Variants in ERG observed in about 807,000 individuals in gnomAD.
The protein encoded by ERG is transcriptional regulator ERG.
Under a neutral mutation model 55.3 loss-of-function variants are expected in ERG, and 9 were observed. The observed-to-expected ratio is 0.16, with a 90% CI of 0.10 to 0.28. ERG has a LOEUF of 0.28. ERG is among the 10% of genes least tolerant of loss of function. The probability of loss-of-function intolerance (pLI) is 1.00; values close to 1 mark genes in which losing one functional copy is unlikely to be tolerated. For synonymous variants in ERG, 223 were observed against 237.3 expected, an observed-to-expected ratio of 0.94 and a Z score of 0.55; for missense variants, 434 against 631.6, an observed-to-expected ratio of 0.69 and a Z score of 3.35.
chr21:38,444,751 G>A (rs968768105), intron 2 of ERG, among the ~76,000 whole-genome samples: 1 of 151,384 alleles, frequency 6.6e-6, no homozygotes, highest in Admixed American at 6.6e-5. Flanking sequence ...CAAACAGCAG[G>A]CATTAAGAGA....
At chr21:38,454,367 ACCCTTTCCTG>A (rs1401007270) in intron 1 of ERG, among the ~76,000 whole-genome samples, 2 of 151,992 alleles carry the variant, frequency 1.3e-5, no homozygotes, top group Admixed American at 1.3e-4. Flanking sequence ...AAATCCTTTA[ACCCTTTCCTG>A]CCCCAAGTGT....
chr21:38,502,566 C>T (rs530058022), upstream of ERG: 28 of 153,330 alleles, frequency 1.8e-4, no homozygotes, highest in South Asian at 5.8e-4. Context: ...AGTATTGGAA[C>T]GGTGGTAATA....
chr21:38,656,546 G>T (rs796409703), intron 1 of ERG, among the ~76,000 whole-genome samples: 3 of 152,128 alleles, frequency 2.0e-5, no homozygotes, highest in Admixed American at 1.3e-4. Context: ...AAATGTGCAC[G>T]CTCCAATTTA....
intron 1 of ERG, among the ~76,000 whole-genome samples, chr21:38,576,895 C>T (rs1048540906): frequency 3.9e-4 from 59 of 152,310 alleles, no homozygotes; most frequent in Non-Finnish European, 7.9e-4. Flanking sequence ...GCCCCTCCTT[C>T]CAGGCTCCAG....
chr21:38,619,200 C>A (rs1414428415), intron 1 of ERG, among the ~76,000 whole-genome samples: 1 of 152,226 alleles, frequency 6.6e-6, no homozygotes, highest in Non-Finnish European at 1.5e-5. Flanking sequence ...GAATGTACTT[C>A]AGAGCTTCAG....
At chr21:38,463,486 G>T (rs2059061787) in intron 1 of ERG, among the ~76,000 whole-genome samples, 1 of 152,190 alleles carries the variant, frequency 6.6e-6, no homozygotes, top group Non-Finnish European at 1.5e-5. Context: ...GCCTGTAAGT[G>T]TCCACATATC....
At chr21:38,462,771 A>G (rs2059055167) in intron 1 of ERG, among the ~76,000 whole-genome samples, 1 of 152,166 alleles carries the variant, frequency 6.6e-6, no homozygotes, top group African/African-American at 2.4e-5. Context: ...AACACTGCAC[A>G]CAGTCTACTA....
chr21:38,449,272 C>A (rs1380518039), intron 1 of ERG, among the ~76,000 whole-genome samples: 1 of 152,156 alleles, frequency 6.6e-6, no homozygotes, highest in African/African-American at 2.4e-5. Flanking sequence ...TTTTCTGTAG[C>A]TCCAGGAAAG....
chr21:38,507,951 A>T (rs1188572370), intron 2 of ERG, among the ~76,000 whole-genome samples: 5 of 26,466 alleles, frequency 1.9e-4, no homozygotes, highest in South Asian at 1.1e-3. Context: ...ACTCTCTCTC[A>T]CACACACGCA....
intron 2 of ERG, among the ~76,000 whole-genome samples, chr21:38,558,782 C>G (rs1999328): frequency 1.3e-5 from 2 of 152,154 alleles, no homozygotes; most frequent in African/African-American, 4.8e-5. Context: ...AAATGATTTC[C>G]ACAAATGAAC....
At chr21:38,490,479 G>T (rs2059325989) in intron 1 of ERG, among the ~76,000 whole-genome samples, 1 of 152,174 alleles carries the variant, frequency 6.6e-6, no homozygotes, top group Non-Finnish European at 1.5e-5. Context: ...CCTATCTCCT[G>T]TGAGGCTGTG....
At position 38,383,549 on chromosome 21, in the gene ERG, C is replaced by T. The variant is rs2146411285; in HGVS notation, c.1294G>A (p.Ala432Thr). ...HAHPQKMNFV[A>T]PHPPALPVTS... is the part of the protein sequence containing the mutation. ...ACGGGGAGGGCTGGAGGGTGGGGCG[C>T]CACAAAGTTCATCTTCTGTGGGTGG... Residue 432 changes from alanine (A) to threonine (T), a missense_variant, in exon 10 of 10, where the codon GCG (alanine) becomes ACG (threonine). Ala to Thr is a moderately conservative substitution (Grantham distance 58). Coordinates refer to ENST00000288319, the MANE Select transcript of ERG (RefSeq NM_182918.4). This position sits in a 1 kb window ranked among gnomAD's most constrained non-coding sequence, Gnocchi z 5.7. 2 of 1,589,056 alleles carry T rather than the reference C, an allele frequency of 1.3e-6. No homozygotes were observed. The highest frequency in any genetic ancestry group is 1.1e-5 in the South Asian group (1 of 88,194).
At chr21:38,608,625 T>C (rs2060209239) in intron 1 of ERG, among the ~76,000 whole-genome samples, 1 of 152,196 alleles carries the variant, frequency 6.6e-6, no homozygotes, top group Non-Finnish European at 1.5e-5. Flanking sequence ...TGACATTTAG[T>C]GGCCAGGACC....
chr21:38,428,492 C>G (rs1030267813), intron 2 of ERG, among the ~76,000 whole-genome samples: 1 of 152,134 alleles, frequency 6.6e-6, no homozygotes, highest in African/African-American at 2.4e-5. Context: ...ACGTTCAATG[C>G]ATTGTTTTAT....
chr21:38,546,010 T>C (rs1447871043), intron 2 of ERG, among the ~76,000 whole-genome samples: 1 of 152,204 alleles, frequency 6.6e-6, no homozygotes, highest in East Asian at 1.9e-4. Context: ...CTGCACCTTT[T>C]AGGCTTCCAG....
At chr21:38,387,884 G>A (rs1029792567) in intron 9 of ERG, among the ~76,000 whole-genome samples, 2 of 152,218 alleles carry the variant, frequency 1.3e-5, no homozygotes, top group African/African-American at 4.8e-5. Flanking sequence ...TTGGAGCTTA[G>A]AGAGGTAGAC....
intron 1 of ERG, among the ~76,000 whole-genome samples, chr21:38,457,951 A>G (rs924363125): frequency 1.3e-5 from 2 of 152,364 alleles, no homozygotes; most frequent in Non-Finnish European, 2.9e-5. Flanking sequence ...GCAGACTTGC[A>G]CTTGTCGCTA....
intron 1 of ERG, among the ~76,000 whole-genome samples, chr21:38,469,320 G>A (rs906914816): frequency 6.6e-6 from 1 of 152,028 alleles, no homozygotes; most frequent in Non-Finnish European, 1.5e-5. Context: ...AAATTTAAAC[G>A]CCTCTTACAA....
At chr21:38,511,593 G>A (rs146873885) in intron 2 of ERG, among the ~76,000 whole-genome samples, 456 of 152,274 alleles carry the variant, frequency 3.0e-3, no homozygotes, top group African/African-American at 0.01. Context: ...AAACAATTCT[G>A]CCAATGAAAA....
Sources: gnomAD v4.1 joint callset for allele counts (sites outside exome capture counted in the v4.1 genomes callset) on GRCh38, gnomAD v4.1.1 for gene constraint, Gnocchi (gnomAD v3.1) non-coding constraint, MANE v1.5 for transcripts, NCBI Gene and HGNC (gene_info 2026-07-23, HGNC 2026-07-21) for gene names.